The following FANCB variants were observed in gnomAD, a reference collection of about 807,000 sequenced individuals.
The protein encoded by FANCB is Fanconi anemia group B protein.
FANCB carries 5 observed loss-of-function variants against 38.9 expected under a neutral mutation model. The ratio of observed to expected loss-of-function variants is 0.13; its 90% CI spans 0.07 to 0.27. FANCB has a LOEUF of 0.27. FANCB is among the 10% of genes least tolerant of loss of function. The probability of loss-of-function intolerance (pLI) is 1.00; values close to 1 mark genes in which losing one functional copy is unlikely to be tolerated. For synonymous variants in FANCB, 236 were observed against 215.4 expected (o/e 1.10, Z -0.84); for missense variants, 573 against 602.7 (o/e 0.95, Z 0.52).
At chrX:14,840,393 T>C (rs1601973409), downstream of FANCB, among the ~76,000 whole-genome samples, 1 of 111,271 alleles carries the variant, frequency 9.0e-6, no homozygotes, top group Non-Finnish European at 1.9e-5. Context: ...TTAGACCCAA[T>C]TTAGGTCTTG....
chrX:14,835,134 C>T, downstream of FANCB: 1 of 538,516 alleles, frequency 1.9e-6, no homozygotes, highest in South Asian at 2.2e-5. Context: ...AATTCATTGC[C>T]TCTTCTTCAA....
chrX:14,725,249 AAGG>A, the FANCB span, among the ~76,000 whole-genome samples: 1 of 111,895 alleles, frequency 8.9e-6, no homozygotes. Flanking sequence ...CCATGATACA[AAGG>A]AGGAAATTGA....
chrX:14,695,184 G>A, the FANCB span, among the ~76,000 whole-genome samples: 1 of 111,028 alleles, frequency 9.0e-6, no homozygotes, highest in Admixed American at 9.6e-5. Flanking sequence ...TGAGAATGGA[G>A]CATTCCATCA....
the FANCB span, among the ~76,000 whole-genome samples, chrX:14,797,750 G>C: frequency 9.1e-6 from 1 of 109,941 alleles, no homozygotes; most frequent in Non-Finnish European, 1.9e-5. Context: ...CTCTCAAAGA[G>C]GGGGGAGTTA....
the FANCB span, among the ~76,000 whole-genome samples, chrX:14,778,990 A>G: frequency 8.9e-6 from 1 of 112,226 alleles, no homozygotes; most frequent in Non-Finnish European, 1.9e-5. Flanking sequence ...GGCAAAGCAC[A>G]TGATGCCTGG....
the FANCB span, among the ~76,000 whole-genome samples, chrX:14,763,039 T>G: frequency 1.1e-4 from 12 of 112,039 alleles, no homozygotes; most frequent in African/African-American, 3.9e-4. Flanking sequence ...CTCTGAATAT[T>G]TGTACTTCAG....
At chrX:14,823,658 T>C in the FANCB span, among the ~76,000 whole-genome samples, 2 of 112,276 alleles carry the variant, frequency 1.8e-5, no homozygotes, top group Non-Finnish European at 3.8e-5. Context: ...CTTACATTGA[T>C]GTTTTGTTAA....
the FANCB span, among the ~76,000 whole-genome samples, chrX:14,801,518 T>C: frequency 8.9e-6 from 1 of 111,965 alleles, no homozygotes; most frequent in African/African-American, 3.3e-5. Context: ...ATAAACAGAT[T>C]TTTCTTAAAA....
chrX:14,720,276 T>C, the FANCB span, among the ~76,000 whole-genome samples: 4 of 111,900 alleles, frequency 3.6e-5, no homozygotes, highest in African/African-American at 1.3e-4. Flanking sequence ...TACACGTGTA[T>C]TGAAATACCA....
At chrX:14,864,266 A>G (rs1400971433) in intron 3 of FANCB, among the ~76,000 whole-genome samples, 1 of 112,336 alleles carries the variant, frequency 8.9e-6, no homozygotes, top group Non-Finnish European at 1.9e-5. Flanking sequence ...TCATATTAAT[A>G]AAAATTAGAA....
the FANCB span, among the ~76,000 whole-genome samples, chrX:14,694,072 A>G: frequency 2.7e-5 from 3 of 111,400 alleles, no homozygotes; most frequent in Admixed American, 9.5e-5. Context: ...AAAAACTATG[A>G]AAAAAAACAC....
the FANCB span, among the ~76,000 whole-genome samples, chrX:14,803,884 T>A: frequency 9.0e-6 from 1 of 111,016 alleles, no homozygotes; most frequent in African/African-American, 3.3e-5. Flanking sequence ...CATGAAAAAA[T>A]GCTCATCATC....
chrX:14,785,081 G>A, the FANCB span, among the ~76,000 whole-genome samples: 36 of 111,739 alleles, frequency 3.2e-4, no homozygotes, highest in African/African-American at 1.2e-3. Flanking sequence ...TTAATACCTA[G>A]GTGATGGGTT....
chrX:14,715,848 A>G, the FANCB span, among the ~76,000 whole-genome samples: 1 of 111,988 alleles, frequency 8.9e-6, no homozygotes, highest in Admixed American at 9.5e-5. Flanking sequence ...GTTGAAAAGT[A>G]TTAAGTCTTG....
the FANCB span, among the ~76,000 whole-genome samples, chrX:14,769,919 T>A: frequency 8.9e-6 from 1 of 112,144 alleles, no homozygotes; most frequent in Non-Finnish European, 1.9e-5. Context: ...TACCCAAGAG[T>A]CATTCAGGAG....
chrX:14,825,716 T>C, the FANCB span, among the ~76,000 whole-genome samples: 1 of 112,234 alleles, frequency 8.9e-6, no homozygotes, highest in Non-Finnish European at 1.9e-5. Flanking sequence ...CTAGATATTA[T>C]TATATTGTGT....
the FANCB span, among the ~76,000 whole-genome samples, chrX:14,740,191 TGAG>T: frequency 8.9e-6 from 1 of 111,892 alleles, no homozygotes; most frequent in Non-Finnish European, 1.9e-5. Flanking sequence ...TTCTGCTTCT[TGAG>T]GAGAAATATT....
At chrX:14,763,282 C>G in the FANCB span, among the ~76,000 whole-genome samples, 1 of 112,215 alleles carries the variant, frequency 8.9e-6, no homozygotes, top group African/African-American at 3.2e-5. Context: ...CAATCCAGAT[C>G]ACTCACAATA....
At chrX:14,765,762 T>C in the FANCB span, among the ~76,000 whole-genome samples, 1 of 111,836 alleles carries the variant, frequency 8.9e-6, no homozygotes, top group Non-Finnish European at 1.9e-5. Context: ...GGTCCCACAG[T>C]TCCTCAAGCA....
Sources: gnomAD v4.1 joint callset for allele counts (sites outside exome capture counted in the v4.1 genomes callset) on GRCh38, gnomAD v4.1.1 for gene constraint, MANE v1.5 for transcripts, NCBI Gene and HGNC (gene_info 2026-07-23, HGNC 2026-07-21) for gene names.